The following QTMAN variants were observed in gnomAD, a reference collection of about 807,000 sequenced individuals.
The protein encoded by QTMAN is queuosine-tRNA mannosyltransferase, also known as tRNA-queuosine alpha-mannosyltransferase.
chr2:144,313,463 T>G, the QTMAN span, among the ~76,000 whole-genome samples: 1 of 152,062 alleles, frequency 6.6e-6, no homozygotes, highest in African/African-American at 2.4e-5. Flanking sequence ...AGCAACTCAA[T>G]GTGAAATACA....
At chr2:144,090,213 C>T in the QTMAN span, among the ~76,000 whole-genome samples, 1 of 151,970 alleles carries the variant, frequency 6.6e-6, no homozygotes, top group Non-Finnish European at 1.5e-5. Flanking sequence ...AGGGAATTTC[C>T]TCAATCCGGT....
chr2:144,207,885 T>C, the QTMAN span, among the ~76,000 whole-genome samples: 3 of 151,682 alleles, frequency 2.0e-5, no homozygotes, highest in East Asian at 1.9e-4. Flanking sequence ...GGGATGGGGG[T>C]CTCACTCTAT....
At chr2:144,332,707 G>C in the QTMAN span, 17 of 152,160 alleles carry the variant, frequency 1.1e-4, no homozygotes, top group African/African-American at 3.9e-4. Context: ...GAATCGCTCC[G>C]CCCCAGCCCG....
At chr2:143,947,765 A>G in the QTMAN span, among the ~76,000 whole-genome samples, 1 of 152,212 alleles carries the variant, frequency 6.6e-6, no homozygotes, top group Non-Finnish European at 1.5e-5. Context: ...GATCTTAATC[A>G]GCCAAAGCAT....
At chr2:143,954,100 A>T in the QTMAN span, among the ~76,000 whole-genome samples, 1 of 151,926 alleles carries the variant, frequency 6.6e-6, no homozygotes, top group African/African-American at 2.4e-5. Context: ...CTAATACCTC[A>T]TATTTTTTGA....
At chr2:144,056,888 A>G in the QTMAN span, among the ~76,000 whole-genome samples, 1 of 152,240 alleles carries the variant, frequency 6.6e-6, no homozygotes, top group African/African-American at 2.4e-5. Flanking sequence ...ATACTTAACA[A>G]AACTATCACA....
the QTMAN span, among the ~76,000 whole-genome samples, chr2:143,973,207 G>A: frequency 2.3e-4 from 35 of 151,974 alleles, no homozygotes; most frequent in Middle Eastern, 3.4e-3. Flanking sequence ...ACTTAAACTC[G>A]ATTCCAGATG....
the QTMAN span, among the ~76,000 whole-genome samples, chr2:143,965,591 T>A: frequency 1.3e-5 from 2 of 152,228 alleles, no homozygotes; most frequent in African/African-American, 4.8e-5. Context: ...CTAGGCACTA[T>A]TGACATTTTA....
the QTMAN span, among the ~76,000 whole-genome samples, chr2:144,115,444 A>C: frequency 6.6e-6 from 1 of 152,322 alleles, no homozygotes; most frequent in Non-Finnish European, 1.5e-5. Flanking sequence ...GTTGCCTCCC[A>C]AAAAATTAAC....
chr2:144,105,778 G>C, the QTMAN span, among the ~76,000 whole-genome samples: 9 of 152,246 alleles, frequency 5.9e-5, 1 homozygote, highest in Middle Eastern at 0.01. Context: ...TCCTCGAGAA[G>C]AGTAACTCCA....
the QTMAN span, among the ~76,000 whole-genome samples, chr2:144,303,659 C>T: frequency 6.6e-6 from 1 of 152,090 alleles, no homozygotes; most frequent in South Asian, 2.1e-4. Flanking sequence ...AATTTCAATA[C>T]TAAAAAGGGA....
the QTMAN span, among the ~76,000 whole-genome samples, chr2:144,331,812 G>A: frequency 5.3e-5 from 8 of 152,334 alleles, 1 homozygote; most frequent in South Asian, 8.3e-4. Flanking sequence ...ATTCCGGGGT[G>A]GGGGGCACAG....
the QTMAN span, among the ~76,000 whole-genome samples, chr2:144,182,785 T>TTA: frequency 0.35 from 22,479 of 63,898 alleles, 5,526 homozygotes; most frequent in East Asian, 0.74. Flanking sequence ...ATCAGGTACA[T>TTA]TATATATATA....
At chr2:144,301,722 T>C in the QTMAN span, among the ~76,000 whole-genome samples, 8 of 152,212 alleles carry the variant, frequency 5.3e-5, no homozygotes, top group African/African-American at 1.9e-4. Flanking sequence ...AATGCCCACA[T>C]GCTTTCTGGA....
At chr2:143,952,117 A>C in the QTMAN span, 14 of 1,083,576 alleles carry the variant, frequency 1.3e-5, no homozygotes, top group Non-Finnish European at 1.9e-5. Context: ...AAAAACCTCA[A>C]AGCACACACT....
chr2:144,070,587 T>C, the QTMAN span, among the ~76,000 whole-genome samples: 2 of 151,910 alleles, frequency 1.3e-5, no homozygotes, highest in African/African-American at 4.8e-5. Flanking sequence ...AGCAAAAAAA[T>C]ACCAAGCACA....
At chr2:144,029,095 A>G in the QTMAN span, among the ~76,000 whole-genome samples, 5 of 152,296 alleles carry the variant, frequency 3.3e-5, no homozygotes, top group African/African-American at 2.4e-5. Context: ...TTTTTCACTT[A>G]TCAAATGAGA....
the QTMAN span, among the ~76,000 whole-genome samples, chr2:144,106,756 C>G: frequency 6.6e-6 from 1 of 152,202 alleles, no homozygotes; most frequent in Non-Finnish European, 1.5e-5. Flanking sequence ...CCAAGTGGAC[C>G]TAATAGACAT....
the QTMAN span, among the ~76,000 whole-genome samples, chr2:144,309,295 CCA>C: frequency 6.6e-6 from 1 of 152,154 alleles, no homozygotes; most frequent in Admixed American, 6.5e-5. Flanking sequence ...AAGCCTATTT[CCA>C]CAAAGGCTCG....
Sources: gnomAD v4.1 joint callset for allele counts (sites outside exome capture counted in the v4.1 genomes callset) on GRCh38, gnomAD v4.1.1 for gene constraint, MANE v1.5 for transcripts, NCBI Gene and HGNC (gene_info 2026-07-23, HGNC 2026-07-21) for gene names.